The following ULK4 variants were observed in gnomAD, a reference collection of about 807,000 sequenced individuals.
The protein encoded by ULK4 is unc-51 like kinase 4.
Under a neutral mutation model 160.6 loss-of-function variants are expected in ULK4, and 133 were observed. That is an observed-to-expected ratio of 0.83 (90% confidence interval 0.72 to 0.96). The LOEUF (loss-of-function observed/expected upper bound fraction) is 0.96, where lower values mean the gene tolerates loss of function less well. Among genes scored for constraint, ULK4 ranks in the 40% least tolerant of loss-of-function variants. ULK4 has a pLI of 0.00. For missense variants in ULK4, 1,580 were observed against 1,499.5 expected (o/e 1.05, Z -0.89); for synonymous variants, 534 against 539.8 (o/e 0.99, Z 0.15).
At chr3:41,953,255 C>T (rs55965219) in intron 2 of ULK4, among the ~76,000 whole-genome samples, 80 of 131,330 alleles carry the variant, frequency 6.1e-4, no homozygotes, top group African/African-American at 1.9e-3. Flanking sequence ...TATACACATA[C>T]ATATATATAC....
In ULK4 at chr3:41,566,149, T is replaced by G. The variant is rs755159126; in HGVS notation, c.3121-19A>C. The G allele has an allele frequency of 6.3e-7, 1 of 1,591,588 alleles. No homozygotes were observed. The highest frequency in any genetic ancestry group is 8.6e-7 in the Non-Finnish European group (1 of 1,161,718). On this transcript the variant is annotated intron_variant, in intron 31 of 36. Coordinates refer to ENST00000301831, the MANE Select transcript of ULK4 (RefSeq NM_017886.4). Reference sequence around the variant, plus strand: ...GATGTTCCTGCAATAGATCATAATTTCCATCATAACCATACAGAAATACAA... The same window carrying G: ...GATGTTCCTGCAATAGATCATAATTGCCATCATAACCATACAGAAATACAA...
intron 35 of ULK4, among the ~76,000 whole-genome samples, chr3:41,290,638 G>A (rs2079542162): frequency 6.6e-6 from 1 of 152,142 alleles, no homozygotes; most frequent in South Asian, 2.1e-4. Context: ...CTGTATTGCG[G>A]GGGCACTCAG....
At chr3:41,416,456 G>A (rs1049228094) in intron 34 of ULK4, among the ~76,000 whole-genome samples, 2 of 152,168 alleles carry the variant, frequency 1.3e-5, no homozygotes, top group Admixed American at 1.3e-4. Flanking sequence ...ACGCCGTCAT[G>A]TAACAAAAGG....
intron 21 of ULK4, among the ~76,000 whole-genome samples, chr3:41,776,229 A>C (rs948177247): frequency 3.3e-5 from 5 of 150,972 alleles, no homozygotes; most frequent in Non-Finnish European, 2.9e-5. Flanking sequence ...TGACCATTCC[A>C]ATTTCTTCTT....
At chr3:41,772,431 A>G (rs2039425898) in intron 21 of ULK4, among the ~76,000 whole-genome samples, 1 of 152,092 alleles carries the variant, frequency 6.6e-6, no homozygotes, top group Admixed American at 6.5e-5. Context: ...ATCAGAGAAT[A>G]CTATAAACAC....
intron 31 of ULK4, among the ~76,000 whole-genome samples, chr3:41,597,045 T>A (rs2125654831): frequency 6.6e-6 from 1 of 152,166 alleles, no homozygotes; most frequent in South Asian, 2.1e-4. Flanking sequence ...GGGTTGGTGG[T>A]CAGGACAGAG....
chr3:41,491,687 AAG>A (rs1221803267), intron 32 of ULK4, among the ~76,000 whole-genome samples: 2 of 71,908 alleles, frequency 2.8e-5, no homozygotes, highest in Non-Finnish European at 6.1e-5. Context: ...TAGGAAAAAA[AAG>A]AATTTTTATA....
intron 31 of ULK4, among the ~76,000 whole-genome samples, chr3:41,610,350 A>AT (rs2032613896): frequency 6.6e-6 from 1 of 152,150 alleles, no homozygotes; most frequent in African/African-American, 2.4e-5. Context: ...TATTATAGAA[A>AT]TTTTCACCCA....
At chr3:41,468,376 G>C (rs1242925789) in intron 32 of ULK4, among the ~76,000 whole-genome samples, 1 of 152,194 alleles carries the variant, frequency 6.6e-6, no homozygotes, top group African/African-American at 2.4e-5. Context: ...AGAGGAAATG[G>C]AGGCAAAGGT....
intron 21 of ULK4, among the ~76,000 whole-genome samples, chr3:41,787,178 G>A (rs1016155908): frequency 6.6e-6 from 1 of 152,078 alleles, no homozygotes; most frequent in Non-Finnish European, 1.5e-5. Flanking sequence ...CCATGGCAAG[G>A]TGCCCCAGCA....
At chr3:41,261,151 TG>T (rs1410986838) in intron 35 of ULK4, among the ~76,000 whole-genome samples, 1 of 152,098 alleles carries the variant, frequency 6.6e-6, no homozygotes, top group Non-Finnish European at 1.5e-5. Flanking sequence ...AGGTAGAAAC[TG>T]TTGGATTCAC....
chr3:41,835,014 A>G (rs555447350), intron 18 of ULK4, among the ~76,000 whole-genome samples: 34 of 152,338 alleles, frequency 2.2e-4, no homozygotes, highest in Middle Eastern at 3.4e-3. Context: ...TTCTCAATCA[A>G]TACACAGATT....
At chr3:41,717,324 T>G (rs1352370082) in intron 23 of ULK4, among the ~76,000 whole-genome samples, 1 of 152,178 alleles carries the variant, frequency 6.6e-6, no homozygotes, top group South Asian at 2.1e-4. Flanking sequence ...TATTCAAAGT[T>G]TTTTTAACAA....
chr3:41,935,994 C>G, intron 3 of ULK4, 54 bp from the exon 4 acceptor site: 1 of 1,505,198 alleles, frequency 6.6e-7, no homozygotes, highest in Non-Finnish European at 8.9e-7. Context: ...TCACAGAGTG[C>G]CCCTGAGAGG....
At chr3:41,646,366 G>A (rs956240204) in intron 30 of ULK4, among the ~76,000 whole-genome samples, 13 of 152,138 alleles carry the variant, frequency 8.5e-5, no homozygotes, top group African/African-American at 2.9e-4. Flanking sequence ...CTTCCTTCAG[G>A]AGCTCTTTTA....
intron 3 of ULK4, among the ~76,000 whole-genome samples, chr3:41,936,811 G>A (rs1699790680): frequency 6.6e-6 from 1 of 152,036 alleles, no homozygotes; most frequent in Non-Finnish European, 1.5e-5. Context: ...TGGTTAATGG[G>A]TACAAATAAA....
chr3:41,589,597 G>A (rs996974684), intron 31 of ULK4, among the ~76,000 whole-genome samples: 4 of 152,040 alleles, frequency 2.6e-5, no homozygotes, highest in African/African-American at 9.7e-5. Context: ...ATTCAGAATG[G>A]CAATGCCTTA....
chr3:41,768,496 C>T (rs2039243752), intron 21 of ULK4, among the ~76,000 whole-genome samples: 1 of 152,138 alleles, frequency 6.6e-6, no homozygotes, highest in Admixed American at 6.5e-5. Flanking sequence ...ACTCTTGGAA[C>T]TCTGCCACCA....
intron 17 of ULK4, among the ~76,000 whole-genome samples, chr3:41,873,441 G>A (rs768974831): frequency 5.3e-5 from 8 of 151,466 alleles, no homozygotes; most frequent in East Asian, 1.9e-4. Flanking sequence ...TTTAGCTGCC[G>A]CCATTTCTGA....
Sources: gnomAD v4.1 joint callset for allele counts (sites outside exome capture counted in the v4.1 genomes callset) on GRCh38, gnomAD v4.1.1 for gene constraint, MANE v1.5 for transcripts, NCBI Gene and HGNC (gene_info 2026-07-23, HGNC 2026-07-21) for gene names.